MCTP1: variants seen among roughly 807,000 people sequenced by gnomAD.
MCTP1 encodes the protein multiple C2 and transmembrane domain containing 1, also known as multiple C2 and transmembrane domain-containing protein 1.
A neutral mutation model predicts 120.6 loss-of-function variants in MCTP1; 69 were observed. The ratio of observed to expected loss-of-function variants is 0.57; its 90% CI spans 0.47 to 0.70. MCTP1 has a LOEUF of 0.70. MCTP1 is among the 30% of genes least tolerant of loss of function. MCTP1 has a pLI of 0.00. For missense variants in MCTP1, 1,203 were observed against 1,248.8 expected (o/e 0.96, Z 0.55); for synonymous variants, 529 against 493.1 (o/e 1.07, Z -0.96).
intron 1 of MCTP1, among the ~76,000 whole-genome samples, chr5:95,095,858 G>A (rs973042873): frequency 6.6e-6 from 1 of 152,160 alleles, no homozygotes; most frequent in African/African-American, 2.4e-5. Flanking sequence ...ATAGGACGAA[G>A]GAGTAGGCGG....
chr5:94,966,705 G>C (rs1276622077), intron 2 of MCTP1, among the ~76,000 whole-genome samples: 1 of 152,034 alleles, frequency 6.6e-6, no homozygotes, highest in Non-Finnish European at 1.5e-5. Flanking sequence ...TGAGGCAGGA[G>C]AATGGCGTGA....
At chr5:94,915,713 AGAGT>A (rs961035844) in intron 8 of MCTP1, among the ~76,000 whole-genome samples, 1 of 151,976 alleles carries the variant, frequency 6.6e-6, no homozygotes, top group African/African-American at 2.4e-5. Flanking sequence ...CTTGGCTTAC[AGAGT>A]GAGGGAGAGA....
intron 1 of MCTP1, among the ~76,000 whole-genome samples, chr5:95,143,271 A>T (rs1023637454): frequency 2.6e-5 from 4 of 152,066 alleles, no homozygotes; most frequent in Admixed American, 6.6e-5. Context: ...TTTAACAAAA[A>T]TTTTTCCTAT....
chr5:95,152,031 C>A (rs1760939597), intron 1 of MCTP1, among the ~76,000 whole-genome samples: 1 of 152,144 alleles, frequency 6.6e-6, no homozygotes, highest in Non-Finnish European at 1.5e-5. Flanking sequence ...TCTTTCCTAG[C>A]TAAACAGTAC....
At chr5:94,869,105 G>A (rs1216763073) in intron 16 of MCTP1, among the ~76,000 whole-genome samples, 2 of 151,758 alleles carry the variant, frequency 1.3e-5, no homozygotes, top group African/African-American at 2.4e-5. Context: ...TTATTAAAAC[G>A]AGTATAGGAA....
Position 95,284,468 on chromosome 5 carries a change from CTTGCT to C in MCTP1, c.103_107del (p.Ser35GlyfsTer146). ...CCCCAGCGCGCCCGCCCCCGCCGCC[CTTGCT>C]CCTGCCCACCCCCAGCTGCAGGTTC... On this transcript the variant is annotated frameshift_variant, in exon 1 of 23. Coordinates refer to ENST00000515393, the MANE Select transcript of MCTP1 (RefSeq NM_024717.7). LOFTEE classifies it high-confidence loss of function. The surrounding 1 kb of genome is among the most constrained non-coding windows in gnomAD (Gnocchi z 5.2). 1 of 1,515,580 alleles carries C rather than the reference CTTGCT, an allele frequency of 6.6e-7. No homozygotes were observed. Among genetic ancestry groups the C allele is most frequent in the Non-Finnish European group, 8.8e-7 (1 of 1,139,154 alleles). 93.9% of individuals were successfully genotyped at this position (1,515,580 alleles called of 1,614,324 possible). A position where few individuals can be genotyped will look rare whatever the true frequency, so the allele number is the denominator to read the frequency against.
intron 1 of MCTP1, among the ~76,000 whole-genome samples, chr5:95,061,299 TA>T (rs1175091293): frequency 4.7e-5 from 7 of 150,248 alleles, no homozygotes; most frequent in African/African-American, 9.8e-5. Context: ...AAGGAGTTAT[TA>T]AAAATGGAGT....
At chr5:95,190,746 C>T (rs1749734707) in intron 1 of MCTP1, among the ~76,000 whole-genome samples, 1 of 151,940 alleles carries the variant, frequency 6.6e-6, no homozygotes, top group Non-Finnish European at 1.5e-5. Flanking sequence ...AAGTATATTC[C>T]ACACATTATA....
chr5:94,734,403 T>A (rs1397124743), intron 19 of MCTP1, among the ~76,000 whole-genome samples: 1 of 152,238 alleles, frequency 6.6e-6, no homozygotes, highest in Non-Finnish European at 1.5e-5. Context: ...TTAGGGTATA[T>A]CTTTCTAGTA....
At chr5:95,187,144 TG>T (rs1365500810) in intron 1 of MCTP1, among the ~76,000 whole-genome samples, 1 of 152,248 alleles carries the variant, frequency 6.6e-6, no homozygotes, top group African/African-American at 2.4e-5. Flanking sequence ...AAGAGATATT[TG>T]CACTCCCATG....
intron 1 of MCTP1, among the ~76,000 whole-genome samples, chr5:95,151,432 C>T (rs1325695560): frequency 3.3e-5 from 5 of 151,984 alleles, no homozygotes; most frequent in Non-Finnish European, 7.4e-5. Flanking sequence ...GTCTTGCTGT[C>T]TCAAGGGTTT....
chr5:95,070,769 C>T (rs938310819), intron 1 of MCTP1, among the ~76,000 whole-genome samples: 6 of 152,164 alleles, frequency 3.9e-5, no homozygotes, highest in Non-Finnish European at 8.8e-5. Context: ...GAATTCATCC[C>T]GCAGTAGTTC....
chr5:95,030,148 C>T (rs906482354), intron 1 of MCTP1, among the ~76,000 whole-genome samples: 9 of 152,144 alleles, frequency 5.9e-5, no homozygotes, highest in East Asian at 3.9e-4. Context: ...CTTTGTGAAC[C>T]GGAAGTCATG....
At chr5:94,736,478 G>C (rs533404079) in intron 19 of MCTP1, among the ~76,000 whole-genome samples, 1 of 152,046 alleles carries the variant, frequency 6.6e-6, no homozygotes, top group African/African-American at 2.4e-5. Flanking sequence ...GCAAGACCCT[G>C]TCTCAAAAAA....
Position 95,284,008 on chromosome 5 carries a change from C to G in MCTP1, c.568G>C (p.Gly190Arg). ...RDEGARRQGP[G>R]AHLCHQKSSS... ...CTCTTCTGGTGGCACAAGTGCGCCC[C>G]GGGGCCCTGACGCCGTGCACCCTCA... is the stretch of plus-strand genomic sequence containing the variant. The change falls in exon 1 of 23, where the codon GGG (glycine) becomes CGG (arginine). Residue 190 changes from glycine (G) to arginine (R), a missense_variant. Physicochemically the swap from Gly to Arg is moderately radical, Grantham distance 125. Transcript: ENST00000515393. The surrounding 1 kb of genome is among the most constrained non-coding windows in gnomAD (Gnocchi z 5.2). 1 of 1,480,864 alleles carries G rather than the reference C, an allele frequency of 6.8e-7. No homozygotes were observed. Among genetic ancestry groups the G allele is most frequent in the South Asian group, 1.4e-5 (1 of 72,130 alleles). 91.7% of individuals were successfully genotyped at this position (1,480,864 alleles called of 1,614,324 possible).
intron 17 of MCTP1, chr5:94,867,174 A>G: frequency 7.6e-7 from 1 of 1,317,110 alleles, no homozygotes. Flanking sequence ...TTATTATAAG[A>G]AAGAGCTACA....
chr5:94,860,572 G>GT (rs1795587392), intron 17 of MCTP1, among the ~76,000 whole-genome samples: 1 of 151,752 alleles, frequency 6.6e-6, no homozygotes, highest in African/African-American at 2.4e-5. Flanking sequence ...CTCCAGACAA[G>GT]TTCCGTATGG....
intron 19 of MCTP1, among the ~76,000 whole-genome samples, chr5:94,724,602 T>C (rs1239605809): frequency 6.6e-6 from 1 of 152,090 alleles, no homozygotes; most frequent in African/African-American, 2.4e-5. Flanking sequence ...CACAATGGGT[T>C]TGCATCCATC....
chr5:95,242,851 A>G (rs1393239578), intron 1 of MCTP1, among the ~76,000 whole-genome samples: 1 of 152,220 alleles, frequency 6.6e-6, no homozygotes, highest in Non-Finnish European at 1.5e-5. Context: ...ACACGTCACA[A>G]TTCATTAAGC....
Sources: allele counts gnomAD v4.1 joint callset (sites outside exome capture counted in the v4.1 genomes callset), GRCh38; gene constraint gnomAD v4.1.1; non-coding constraint Gnocchi (gnomAD v3.1); transcripts MANE v1.5; gene names NCBI Gene and HGNC (gene_info 2026-07-23, HGNC 2026-07-21).